CBLN2: variants seen among roughly 807,000 people sequenced by gnomAD.
The protein encoded by CBLN2 is cerebellin-2.
A neutral mutation model predicts 15.0 loss-of-function variants in CBLN2; 7 were observed. The ratio of observed to expected loss-of-function variants is 0.47; its 90% CI spans 0.27 to 0.88. CBLN2 has a LOEUF of 0.88. Among genes scored for constraint, CBLN2 ranks in the 40% least tolerant of loss-of-function variants. The pLI, the probability that CBLN2 is intolerant of heterozygous loss-of-function variation, is 0.14. For missense variants in CBLN2, 242 were observed against 304.5 expected, an observed-to-expected ratio of 0.79 and a Z score of 1.53; for synonymous variants, 149 against 135.2, an observed-to-expected ratio of 1.10 and a Z score of -0.71.
chr18:72,599,432 C>A (rs2069533686), intron 1 of CBLN2, among the ~76,000 whole-genome samples: 1 of 152,098 alleles, frequency 6.6e-6, no homozygotes, highest in African/African-American at 2.4e-5. Flanking sequence ...TAACTTAAAA[C>A]ATGAAAATAA....
Position 72,600,146 on chromosome 18 carries a change from T to C in CBLN2, c.15+38179A>G, listed in dbSNP as rs1041155372. Among the ~76,000 whole-genome samples the C allele has an allele frequency of 2.0e-5, 3 of 152,226 alleles. No homozygotes were observed. In the South Asian group the frequency reaches 6.2e-4, roughly 31 times the overall value. ...AATATGTTGGGTAAACAAATTTTAG[T>C]AATGTGAGTTGATCTTCCTATTGCT... On this transcript the variant is annotated intron_variant, in intron 1 of 2. Coordinates refer to the CBLN2 transcript ENST00000581073.
At chr18:72,592,218 T>C (rs910206174) in intron 1 of CBLN2, among the ~76,000 whole-genome samples, 3 of 152,116 alleles carry the variant, frequency 2.0e-5, no homozygotes, top group African/African-American at 4.8e-5. Flanking sequence ...TGATATCTCA[T>C]TGTAGTTTTT....
intron 1 of CBLN2, among the ~76,000 whole-genome samples, chr18:72,629,583 T>TCTAA (rs2069761995): frequency 6.6e-6 from 1 of 152,132 alleles, no homozygotes; most frequent in Non-Finnish European, 1.5e-5. Flanking sequence ...AAAGAATAAA[T>TCTAA]CTAACTTTAA....
intron 1 of CBLN2, among the ~76,000 whole-genome samples, chr18:72,631,460 G>T: frequency 6.6e-6 from 1 of 151,548 alleles, no homozygotes; most frequent in Admixed American, 6.6e-5. Flanking sequence ...TCCCTATTTT[G>T]CTTAATCTCA....
At chr18:72,631,522 C>T (rs1191625149) in intron 1 of CBLN2, among the ~76,000 whole-genome samples, 1 of 152,038 alleles carries the variant, frequency 6.6e-6, no homozygotes, top group Non-Finnish European at 1.5e-5. Flanking sequence ...AAAGCACTTT[C>T]TGGAATTGGG....
chr18:72,621,832 C>G (rs1490310697), intron 1 of CBLN2, among the ~76,000 whole-genome samples: 2 of 152,082 alleles, frequency 1.3e-5, no homozygotes, highest in Admixed American at 6.6e-5. Flanking sequence ...TAAATGAGAA[C>G]CTACCAGTGG....
intron 1 of CBLN2, chr18:72,619,220 T>G: frequency 1.1e-6 from 1 of 929,888 alleles, no homozygotes; most frequent in South Asian, 1.3e-5. Context: ...GCAGAAGATT[T>G]TAATTACAGT....
intron 1 of CBLN2, among the ~76,000 whole-genome samples, chr18:72,592,896 G>T (rs917175885): frequency 6.6e-6 from 1 of 152,038 alleles, no homozygotes; most frequent in Admixed American, 6.6e-5. Flanking sequence ...CAATAGCTCT[G>T]TAGTATAATT....
chr18:72,580,036 C>G (rs1396905464), intron 1 of CBLN2, among the ~76,000 whole-genome samples: 1 of 151,724 alleles, frequency 6.6e-6, no homozygotes, highest in Non-Finnish European at 1.5e-5. Flanking sequence ...GTTTTATTCT[C>G]CTTTTTCAAA....
At chr18:72,632,595 A>G (rs1160288277) in intron 1 of CBLN2, among the ~76,000 whole-genome samples, 4 of 152,168 alleles carry the variant, frequency 2.6e-5, no homozygotes, top group Non-Finnish European at 5.9e-5. Context: ...TTAGGACTCT[A>G]TCTGATAATG....
At chr18:72,550,813 G>A (rs1225982481) in intron 1 of CBLN2, among the ~76,000 whole-genome samples, 1 of 151,840 alleles carries the variant, frequency 6.6e-6, no homozygotes, top group African/African-American at 2.4e-5. Context: ...TATTTGAGAT[G>A]TTCTGCACAG....
intron 1 of CBLN2, among the ~76,000 whole-genome samples, chr18:72,624,831 T>G (rs984115162): frequency 1.3e-5 from 2 of 152,210 alleles, no homozygotes; most frequent in Non-Finnish European, 2.9e-5. Context: ...TTACTTTACA[T>G]ACTATTTAAA....
intron 1 of CBLN2, among the ~76,000 whole-genome samples, chr18:72,630,564 C>CAGAGAGAGAGAGAGAGAGAGAGAGAG (rs368831135): frequency 6.0e-4 from 81 of 135,586 alleles, no homozygotes; most frequent in South Asian, 3.4e-3. Flanking sequence ...CACACACATG[C>CAGAGAGAGAGAGAGAGAGAGAGAGAG]AGAGAGAGAG....
intron 1 of CBLN2, among the ~76,000 whole-genome samples, chr18:72,561,503 T>C (rs968440235): frequency 2.0e-5 from 3 of 152,142 alleles, no homozygotes; most frequent in Non-Finnish European, 2.9e-5. Context: ...TCCAATTGAA[T>C]ATAGCATTCC....
intron 1 of CBLN2, among the ~76,000 whole-genome samples, chr18:72,564,112 CG>C (rs2069278990): frequency 6.6e-6 from 1 of 152,048 alleles, no homozygotes; most frequent in African/African-American, 2.4e-5. Context: ...ACCAGATATG[CG>C]GAAATCAATG....
chr18:72,550,684 T>C (rs2069186429), intron 1 of CBLN2, among the ~76,000 whole-genome samples: 1 of 152,172 alleles, frequency 6.6e-6, no homozygotes, highest in Non-Finnish European at 1.5e-5. Flanking sequence ...CATTGCCTTA[T>C]TTGAAAGAGA....
At chr18:72,615,259 A>ATT (rs1182063019) in intron 1 of CBLN2, among the ~76,000 whole-genome samples, 2 of 123,160 alleles carry the variant, frequency 1.6e-5, no homozygotes, top group South Asian at 2.4e-4. Context: ...ATATTTATAT[A>ATT]TGTATATATT....
chr18:72,615,691 TG>T (rs1250120628), intron 1 of CBLN2, among the ~76,000 whole-genome samples: 3 of 152,194 alleles, frequency 2.0e-5, no homozygotes, highest in African/African-American at 7.2e-5. Context: ...ATTAAGCATT[TG>T]TTTTGTTTTT....
rs750399283 is a variant in CBLN2 at position 72,538,341 on chromosome 18, G to A, written c.510C>T (p.Ile170=). The change falls in exon 5 of 5, where the codon ATC becomes ATT. Residue 170 remains isoleucine, a synonymous_variant. Coordinates refer to ENST00000269503, the MANE Select transcript of CBLN2 (RefSeq NM_182511.4). ...CATCCTGGTCTCCTGCAAAGGCCGA[G>A]ATCACTGGGTAGCCATTCTGCATTA... is the stretch of plus-strand genomic sequence containing the variant. The part of the protein sequence containing the change: ...VSLMQNGYPV[I]SAFAGDQDVT... 6.6e-5 allele frequency: 106 copies of A among 1,614,082 alleles called. No homozygotes were observed. The highest frequency in any genetic ancestry group is 8.3e-5 in the Admixed American group (5 of 60,006).
Sources: gnomAD v4.1 joint callset for allele counts (sites outside exome capture counted in the v4.1 genomes callset) on GRCh38, gnomAD v4.1.1 for gene constraint, MANE v1.5 for transcripts, NCBI Gene and HGNC (gene_info 2026-07-23, HGNC 2026-07-21) for gene names.